The following MPPED2 variants were observed in gnomAD, a reference collection of about 807,000 sequenced individuals.
The protein encoded by MPPED2 is metallophosphoesterase MPPED2.
In MPPED2, 5 loss-of-function variants were observed where a neutral mutation model predicts 33.0. That is an observed-to-expected ratio of 0.15 (90% CI 0.08 to 0.32). The LOEUF is 0.32. Ranked by LOEUF, MPPED2 falls within the 10% of genes least tolerant of loss-of-function variation. MPPED2 has a pLI of 1.00. For synonymous variants in MPPED2, 136 were observed against 141.9 expected (o/e 0.96, Z 0.29); for missense variants, 275 against 372.1 (o/e 0.74, Z 2.15).
intron 4 of MPPED2, among the ~76,000 whole-genome samples, chr11:30,452,655 T>A (rs1950111828): frequency 1.3e-5 from 2 of 152,150 alleles, no homozygotes. Flanking sequence ...AGCTCTGGAG[T>A]GGCAGGATTA....
chr11:30,554,115 C>G (rs961523890), intron 2 of MPPED2, among the ~76,000 whole-genome samples: 2 of 152,178 alleles, frequency 1.3e-5, no homozygotes, highest in Non-Finnish European at 2.9e-5. Context: ...TCAGCAACTG[C>G]AGAGACTGGT....
chr11:30,509,976 T>C (rs1039404750), intron 3 of MPPED2, among the ~76,000 whole-genome samples: 6 of 152,188 alleles, frequency 3.9e-5, no homozygotes, highest in African/African-American at 1.4e-4. Flanking sequence ...GATCAGAATG[T>C]TTAGGTTCAG....
intron 6 of MPPED2, among the ~76,000 whole-genome samples, chr11:30,393,441 A>G (rs1565030335): frequency 6.6e-6 from 1 of 152,132 alleles, no homozygotes; most frequent in Non-Finnish European, 1.5e-5. Flanking sequence ...TTTCCATAGA[A>G]AATTCCCTTC....
intron 3 of MPPED2, among the ~76,000 whole-genome samples, chr11:30,525,536 T>C (rs1169587455): frequency 6.6e-6 from 1 of 152,214 alleles, no homozygotes; most frequent in Non-Finnish European, 1.5e-5. Flanking sequence ...GTCTTGCCTA[T>C]GTTTTTTTCT....
At chr11:30,396,948 A>G (rs1947846369) in intron 6 of MPPED2, among the ~76,000 whole-genome samples, 1 of 152,100 alleles carries the variant, frequency 6.6e-6, no homozygotes, top group Non-Finnish European at 1.5e-5. Flanking sequence ...AATATGCTCA[A>G]TCTTCTATCT....
intron 2 of MPPED2, among the ~76,000 whole-genome samples, chr11:30,540,273 G>A (rs1372320124): frequency 6.6e-6 from 1 of 152,182 alleles, no homozygotes; most frequent in African/African-American, 2.4e-5. Context: ...TAGAGTAGCA[G>A]AATAGCGTAA....
chr11:30,456,778 C>T (rs1950298770), intron 4 of MPPED2, among the ~76,000 whole-genome samples: 1 of 152,160 alleles, frequency 6.6e-6, no homozygotes, highest in South Asian at 2.1e-4. Context: ...GTGCCTTAAA[C>T]AGTGCCATAA....
At chr11:30,548,218 C>CT (rs5790821) in intron 2 of MPPED2, among the ~76,000 whole-genome samples, 144,101 of 150,114 alleles carry the variant, frequency 0.96, 69,201 homozygotes, top group South Asian at 0.98. Flanking sequence ...AAGTAACTAT[C>CT]TTTTTTTTTT....
At chr11:30,403,572 T>G (rs1947943809) in intron 6 of MPPED2, among the ~76,000 whole-genome samples, 1 of 152,230 alleles carries the variant, frequency 6.6e-6, no homozygotes, top group South Asian at 2.1e-4. Flanking sequence ...TCATCACAAT[T>G]TATTAATGCT....
chr11:30,523,616 C>T (rs1036400357), intron 3 of MPPED2, among the ~76,000 whole-genome samples: 13 of 146,526 alleles, frequency 8.9e-5, no homozygotes, highest in South Asian at 6.6e-4. Context: ...AGGGAAGCAA[C>T]ACATCTTTTT....
intron 2 of MPPED2, among the ~76,000 whole-genome samples, chr11:30,574,869 A>T (rs1956856616): frequency 6.6e-6 from 1 of 152,224 alleles, no homozygotes; most frequent in South Asian, 2.1e-4. Flanking sequence ...AAAGGTCCTT[A>T]TCCAACACTC....
intron 2 of MPPED2, among the ~76,000 whole-genome samples, chr11:30,555,513 G>A (rs12786523): frequency 0.013 from 2,048 of 152,232 alleles, 24 homozygotes; most frequent in South Asian, 0.038. Context: ...TGTGTCATGG[G>A]ATGGACCCAG....
chr11:30,493,889 T>C (rs1208764073), intron 4 of MPPED2, among the ~76,000 whole-genome samples: 1 of 152,194 alleles, frequency 6.6e-6, no homozygotes, highest in Non-Finnish European at 1.5e-5. Flanking sequence ...GCTCAGACAC[T>C]GTGAAGTAAC....
At chr11:30,559,121 G>A (rs184355370) in intron 2 of MPPED2, among the ~76,000 whole-genome samples, 7 of 152,190 alleles carry the variant, frequency 4.6e-5, no homozygotes, top group Admixed American at 1.3e-4. Flanking sequence ...GAGCTTCCAG[G>A]AAATCTTAAA....
chr11:30,536,357 A>G (rs1436469019), intron 2 of MPPED2, among the ~76,000 whole-genome samples, 182 bp from the exon 3 acceptor site: 1 of 152,178 alleles, frequency 6.6e-6, no homozygotes, highest in Non-Finnish European at 1.5e-5. Context: ...CCCATTTACA[A>G]ACCCACTGGG....
chr11:30,574,416 GT>G (rs1303832802), intron 2 of MPPED2, among the ~76,000 whole-genome samples: 2 of 152,156 alleles, frequency 1.3e-5, no homozygotes, highest in Non-Finnish European at 2.9e-5. Flanking sequence ...TACCATCTAC[GT>G]TTGTGTAAAT....
chr11:30,414,054 T>C (rs919902872), intron 6 of MPPED2, among the ~76,000 whole-genome samples, 174 bp downstream of exon 6: 3 of 152,140 alleles, frequency 2.0e-5, no homozygotes, highest in Non-Finnish European at 4.4e-5. Context: ...AGAGAGAAGG[T>C]CCATATAAAA....
chr11:30,420,091 C>T (rs926181984), intron 4 of MPPED2, among the ~76,000 whole-genome samples: 10 of 152,186 alleles, frequency 6.6e-5, no homozygotes, highest in African/African-American at 2.2e-4. Flanking sequence ...GTGAATGTTA[C>T]TGTACACGGC....
intron 3 of MPPED2, among the ~76,000 whole-genome samples, chr11:30,515,117 T>G (rs1280114130): frequency 1.3e-5 from 2 of 151,962 alleles, no homozygotes; most frequent in Non-Finnish European, 2.9e-5. Flanking sequence ...CAAAAAACCT[T>G]TATACGTTAA....
Sources: allele counts gnomAD v4.1 joint callset (sites outside exome capture counted in the v4.1 genomes callset), GRCh38; gene constraint gnomAD v4.1.1; transcripts MANE v1.5; gene names NCBI Gene and HGNC (gene_info 2026-07-23, HGNC 2026-07-21).